GCC2: variants seen among roughly 807,000 people sequenced by gnomAD.
GCC2 encodes the protein GRIP and coiled-coil domain containing 2.
GCC2 carries 120 observed loss-of-function variants against 210.6 expected under a neutral mutation model. That is an observed-to-expected ratio of 0.57 (90% CI 0.49 to 0.66). GCC2 has a LOEUF of 0.66. GCC2 is among the 30% of genes least tolerant of loss of function. The pLI, the probability that GCC2 is intolerant of heterozygous loss-of-function variation, is 0.00. For synonymous variants in GCC2, 703 were observed against 652.7 expected, an observed-to-expected ratio of 1.08 and a Z score of -1.17; for missense variants, 1,868 against 1,871.9, an observed-to-expected ratio of 1.00 and a Z score of 0.04.
chr2:108,481,853 C>G, intron 10 of GCC2, 37 bp downstream of exon 10: 1 of 1,428,532 alleles, frequency 7.0e-7, no homozygotes, highest in South Asian at 1.3e-5. Context: ...AAAACTATAA[C>G]AGGTATATTT....
chr2:108,507,341 G>C (rs1242530678), intron 22 of GCC2, among the ~76,000 whole-genome samples: 1 of 149,238 alleles, frequency 6.7e-6, no homozygotes, highest in African/African-American at 2.5e-5. Flanking sequence ...CTGCATTGAA[G>C]TCTCATCACG....
At position 108,472,952 on chromosome 2, in the gene GCC2, G is replaced by A. The variant is rs779565048; in HGVS notation, c.2860+53G>A. 12 of 980,476 alleles carry A rather than the reference G, an allele frequency of 1.2e-5. No individual in the cohort carries two copies. In the African/African-American group the frequency reaches 1.6e-4, roughly 13 times the overall value. 60.7% of individuals were successfully genotyped at this position (980,476 alleles called of 1,614,324 possible). A position where few individuals can be genotyped will look rare whatever the true frequency, so the allele number is the denominator to read the frequency against. On this transcript the variant is annotated intron_variant, in intron 7 of 22. Transcript: ENST00000309863. ...CAATTAATTAGACAGATTCTTCTTA[G>A]TGTTAGAATAGATTGGGAAATATAG...
intron 3 of GCC2, 94 bp downstream of exon 3, chr2:108,451,206 T>C (rs1010026788): frequency 4.2e-6 from 3 of 716,452 alleles, no homozygotes; most frequent in Non-Finnish European, 7.2e-6. Context: ...TGTTTTTGTT[T>C]GTTTTCCAGT....
intron 3 of GCC2, among the ~76,000 whole-genome samples, chr2:108,451,525 T>C (rs1183265332): frequency 6.6e-6 from 1 of 152,196 alleles, no homozygotes; most frequent in Non-Finnish European, 1.5e-5. Context: ...TTTACAGATA[T>C]TGAAGTATGT....
intron 21 of GCC2, among the ~76,000 whole-genome samples, chr2:108,497,523 T>C (rs560827793): frequency 1.1e-4 from 17 of 152,374 alleles, no homozygotes; most frequent in Admixed American, 3.3e-4. Flanking sequence ...AAATCATTGT[T>C]CACATATGCT....
intron 4 of GCC2, among the ~76,000 whole-genome samples, chr2:108,461,797 C>T (rs1680590223): frequency 6.6e-6 from 1 of 151,090 alleles, no homozygotes; most frequent in Admixed American, 6.6e-5. Flanking sequence ...AGCCACTGTG[C>T]CTGGCCACTA....
intron 4 of GCC2, among the ~76,000 whole-genome samples, chr2:108,462,859 G>C (rs1174064922): frequency 6.7e-6 from 1 of 148,310 alleles, no homozygotes; most frequent in Non-Finnish European, 1.5e-5. Context: ...CACCGCATCT[G>C]GCCGACTTTG....
At chr2:108,493,128 C>T (rs1487827037) in intron 19 of GCC2, among the ~76,000 whole-genome samples, 1 of 152,138 alleles carries the variant, frequency 6.6e-6, no homozygotes, top group African/African-American at 2.4e-5. Flanking sequence ...CTCGCTGTGT[C>T]GCCCAGGCTG....
intron 13 of GCC2, among the ~76,000 whole-genome samples, chr2:108,485,335 GA>G (rs950863654): frequency 1.7e-4 from 24 of 143,154 alleles, no homozygotes; most frequent in South Asian, 1.1e-3. Flanking sequence ...AAAAAAAAAA[GA>G]AAAAAAAAAG....
At chr2:108,500,764 A>AAC (rs976149618) in intron 22 of GCC2, among the ~76,000 whole-genome samples, 5 of 152,164 alleles carry the variant, frequency 3.3e-5, no homozygotes, top group African/African-American at 7.2e-5. Context: ...ACCCATCTCT[A>AAC]AGTTTTCAAC....
intron 9 of GCC2, among the ~76,000 whole-genome samples, chr2:108,480,183 G>A (rs1256941502): frequency 6.6e-6 from 1 of 152,074 alleles, no homozygotes; most frequent in East Asian, 1.9e-4. Flanking sequence ...CATAAACAGT[G>A]TGCTAGCAAT....
chr2:108,453,560 G>A lies in GCC2; in HGVS notation c.216+1094G>A, dbSNP rs1170035573. Among the ~76,000 whole-genome samples the A allele has an allele frequency of 2.6e-5, 4 of 152,268 alleles. No individual in the cohort carries two copies. In the South Asian group the frequency reaches 8.3e-4, roughly 32 times the overall value. On this transcript the variant is annotated intron_variant, in intron 4 of 22. Coordinates refer to ENST00000309863, the MANE Select transcript of GCC2 (RefSeq NM_181453.4). ...AGCACTTTGGGAGGCCAAGGTGGGA[G>A]GATCACTTGAGGTCAGGAGTTTGAG...
At chr2:108,466,444 C>G (rs1282903749) in intron 4 of GCC2, among the ~76,000 whole-genome samples, 1 of 151,886 alleles carries the variant, frequency 6.6e-6, no homozygotes, top group Non-Finnish European at 1.5e-5. Context: ...TAAATATCTT[C>G]TCCCAGCTTA....
At chr2:108,485,304 TA>T (rs1682077894) in intron 13 of GCC2, among the ~76,000 whole-genome samples, 1 of 149,388 alleles carries the variant, frequency 6.7e-6, no homozygotes, top group Non-Finnish European at 1.5e-5. Flanking sequence ...ACACGTACCC[TA>T]AAACTTAAAG....
Position 108,470,341 on chromosome 2 carries a change from G to C in GCC2, c.1012G>C (p.Glu338Gln). 1.9e-6 allele frequency: 3 copies of C among 1,607,912 alleles called. No homozygotes were observed. Among genetic ancestry groups the C allele is most frequent in the East Asian group, 4.5e-5 (2 of 44,774 alleles). The change falls in exon 6 of 23, where the codon GAA becomes CAA. Residue 338 changes from glutamate to glutamine, a missense_variant. Glu to Gln is a conservative substitution (Grantham distance 29, BLOSUM62 2). Transcript: ENST00000309863. ...AGTAAATGAAAAAGTCAAACACTTA[G>C]AAGATACCTTAAAAGAACTTGAATC... is the stretch of plus-strand genomic sequence containing the variant. ...QVVNEKVKHLEDTLKELESQH... is the reference protein window; with the variant it reads ...QVVNEKVKHLQDTLKELESQH...
intron 22 of GCC2, among the ~76,000 whole-genome samples, chr2:108,502,663 C>T (rs1454408834): frequency 6.6e-6 from 1 of 152,042 alleles, no homozygotes; most frequent in Non-Finnish European, 1.5e-5. Context: ...GGCACGGTGG[C>T]TCACACCTGT....
chr2:108,472,116 G>A lies in GCC2; in HGVS notation c.2787G>A (p.Lys929=), dbSNP rs1681264802. 2.0e-6 allele frequency: 3 copies of A among 1,487,068 alleles called. No homozygotes were observed. The highest frequency in any genetic ancestry group is 2.5e-5 in the Admixed American group (1 of 40,460). 92.1% of individuals were successfully genotyped at this position (1,487,068 alleles called of 1,614,324 possible). A position where few individuals can be genotyped will look rare whatever the true frequency, so the allele number is the denominator to read the frequency against. Residue 929 remains lysine (K), a splice_region_variant and synonymous_variant, in exon 6 of 23, where the codon AAG becomes AAA. Coordinates refer to ENST00000309863, the MANE Select transcript of GCC2 (RefSeq NM_181453.4). The part of the protein sequence containing the change: ...RDRRAELILL[K]DSLAKSPSVK... ...GGAGAGCAGAGTTGATACTATTAAA[G>A]GTACCATTCATTTGAATTCTATTGT...
chr2:108,490,064 T>A (rs1682338442), intron 18 of GCC2, 50 bp downstream of exon 18: 1 of 1,244,112 alleles, frequency 8.0e-7, no homozygotes, highest in African/African-American at 1.5e-5. Context: ...ATGTATTTCT[T>A]TGTTGAAACT....
intron 4 of GCC2, among the ~76,000 whole-genome samples, chr2:108,458,429 C>T (rs1263709925): frequency 7.4e-6 from 1 of 135,482 alleles, no homozygotes; most frequent in East Asian, 2.1e-4. Flanking sequence ...ATCAGGGTAG[C>T]ACCAGCTTTC....
Sources: allele counts gnomAD v4.1 joint callset (sites outside exome capture counted in the v4.1 genomes callset), GRCh38; gene constraint gnomAD v4.1.1; transcripts MANE v1.5; gene names NCBI Gene and HGNC (gene_info 2026-07-23, HGNC 2026-07-21).